The following ZCCHC7 variants were observed in gnomAD, a reference collection of about 807,000 sequenced individuals.
ZCCHC7 encodes the protein zinc finger CCHC-type containing 7.
ZCCHC7 carries 35 observed loss-of-function variants against 52.0 expected under a neutral mutation model. The observed-to-expected ratio is 0.67, with a 90% confidence interval of 0.51 to 0.89. The LOEUF is 0.89. ZCCHC7 is among the 40% of genes least tolerant of loss of function. The probability of loss-of-function intolerance (pLI) is 0.00; values close to 1 mark genes in which losing one functional copy is unlikely to be tolerated. For synonymous variants in ZCCHC7, 217 were observed against 221.5 expected, an observed-to-expected ratio of 0.98 and a Z score of 0.18; for missense variants, 574 against 649.1, an observed-to-expected ratio of 0.88 and a Z score of 1.26.
chr9:37,266,846 C>G (rs899078489), intron 2 of ZCCHC7, among the ~76,000 whole-genome samples: 13 of 152,254 alleles, frequency 8.5e-5, no homozygotes, highest in Non-Finnish European at 1.5e-4. Context: ...TGCACTCCAG[C>G]CTGGGCAATG....
chr9:37,346,405 G>A (rs1820976293), intron 6 of ZCCHC7, among the ~76,000 whole-genome samples: 2 of 152,160 alleles, frequency 1.3e-5, no homozygotes, highest in Admixed American at 1.3e-4. Flanking sequence ...TAGGGGGCCT[G>A]GGCACGTTGG....
At chr9:37,130,333 C>CTT (rs1564131111) in intron 2 of ZCCHC7, among the ~76,000 whole-genome samples, 6 of 112,906 alleles carry the variant, frequency 5.3e-5, no homozygotes, top group Admixed American at 1.1e-4. Context: ...GGAATTCTCT[C>CTT]CTTTTTTTTT....
intron 5 of ZCCHC7, among the ~76,000 whole-genome samples, chr9:37,321,949 C>T (rs1417561183): frequency 6.6e-6 from 1 of 152,094 alleles, no homozygotes; most frequent in East Asian, 1.9e-4. Context: ...TTTCATTATT[C>T]CAATACCAAA....
chr9:37,356,773 AGGAAAGC>A, intron 8 of ZCCHC7, 55 bp from the exon 9 acceptor site: 2 of 1,444,664 alleles, frequency 1.4e-6, no homozygotes, highest in Non-Finnish European at 1.9e-6. Context: ...ATTTACACTT[AGGAAAGC>A]TCAGCATGGA....
chr9:37,180,452 G>C (rs1822287628), intron 2 of ZCCHC7, among the ~76,000 whole-genome samples: 1 of 152,028 alleles, frequency 6.6e-6, no homozygotes. Flanking sequence ...GGTTTTAAAA[G>C]TATATTTAGT....
At chr9:37,168,471 A>T (rs1265507456) in intron 2 of ZCCHC7, among the ~76,000 whole-genome samples, 2 of 152,256 alleles carry the variant, frequency 1.3e-5, no homozygotes, top group African/African-American at 4.8e-5. Context: ...AAAAGGTTAT[A>T]AAAACAAAAC....
intron 2 of ZCCHC7, among the ~76,000 whole-genome samples, chr9:37,218,037 T>C (rs1300728181): frequency 2.0e-5 from 3 of 152,206 alleles, no homozygotes; most frequent in African/African-American, 7.2e-5. Flanking sequence ...TGCTGGACTC[T>C]GATATTAAAA....
chr9:37,357,545 C>A lies in ZCCHC7; in HGVS notation c.*277C>A. The A allele has an allele frequency of 4.2e-6, 1 of 236,234 alleles. No homozygotes were observed. Among genetic ancestry groups the A allele is most frequent in the Non-Finnish European group, 8.1e-6 (1 of 124,222 alleles). The allele number at this position is 236,234 out of a possible 1,614,324, so 14.6% of individuals were successfully genotyped here. ...AATCCTAGGGATAGGTAGAAGAATT[C>A]ATCTTTTCAAGAAAGTGTTTTAAAA... On this transcript the variant is annotated 3_prime_UTR_variant, in exon 9 of 9. Coordinates refer to ENST00000336755, the MANE Select transcript of ZCCHC7 (RefSeq NM_032226.3).
intron 2 of ZCCHC7, among the ~76,000 whole-genome samples, chr9:37,279,918 G>C (rs895972229): frequency 6.6e-6 from 1 of 151,996 alleles, no homozygotes; most frequent in Non-Finnish European, 1.5e-5. Context: ...ACTTTGGGAG[G>C]CCGAGGCGGG....
intron 2 of ZCCHC7, among the ~76,000 whole-genome samples, chr9:37,293,382 A>G (rs940460375): frequency 6.6e-6 from 1 of 152,320 alleles, no homozygotes; most frequent in East Asian, 1.9e-4. Flanking sequence ...GGATAACTGA[A>G]AGAATGTAGC....
At chr9:37,319,449 A>G (rs1004770764) in intron 5 of ZCCHC7, among the ~76,000 whole-genome samples, 6 of 152,018 alleles carry the variant, frequency 3.9e-5, no homozygotes, top group African/African-American at 1.5e-4. Flanking sequence ...GTTTTTTGAG[A>G]CAGGGTCTTA....
At chr9:37,217,037 C>A (rs2133240878) in intron 2 of ZCCHC7, among the ~76,000 whole-genome samples, 1 of 152,024 alleles carries the variant, frequency 6.6e-6, no homozygotes, top group Middle Eastern at 3.4e-3. Flanking sequence ...AATAATATTC[C>A]TACAAGGCTC....
At chr9:37,125,108 C>T (rs1842487670) in intron 1 of ZCCHC7, among the ~76,000 whole-genome samples, 1 of 152,248 alleles carries the variant, frequency 6.6e-6, no homozygotes, top group South Asian at 2.1e-4. Flanking sequence ...GCCTTGGCCT[C>T]CCAAAGTCCT....
At chr9:37,282,174 C>T (rs144077839) in intron 2 of ZCCHC7, among the ~76,000 whole-genome samples, 1 of 152,168 alleles carries the variant, frequency 6.6e-6, no homozygotes, top group Admixed American at 6.5e-5. Flanking sequence ...TTAATAGTTT[C>T]AGTTTTGCCA....
intron 2 of ZCCHC7, among the ~76,000 whole-genome samples, chr9:37,219,198 G>A (rs1217973939): frequency 1.3e-5 from 2 of 152,178 alleles, no homozygotes; most frequent in African/African-American, 4.8e-5. Flanking sequence ...TCAAACTCTG[G>A]CCCACAGGCC....
chr9:37,272,890 C>T (rs1035896558), intron 2 of ZCCHC7, among the ~76,000 whole-genome samples: 10 of 152,134 alleles, frequency 6.6e-5, no homozygotes, highest in Non-Finnish European at 1.3e-4. Flanking sequence ...TGTATGATTG[C>T]ACCACCAATG....
intron 2 of ZCCHC7, among the ~76,000 whole-genome samples, chr9:37,263,764 T>G (rs534056951): frequency 1.1e-3 from 166 of 152,346 alleles, no homozygotes; most frequent in African/African-American, 3.9e-3. Context: ...GAATTTCTTT[T>G]CCTTTTTCAA....
intron 5 of ZCCHC7, among the ~76,000 whole-genome samples, chr9:37,323,630 T>C (rs1830134185): frequency 1.3e-5 from 2 of 152,174 alleles, no homozygotes; most frequent in South Asian, 2.1e-4. Flanking sequence ...AGAATAGAAG[T>C]ATAATAAGCA....
At chr9:37,331,321 C>A (rs911587913) in intron 6 of ZCCHC7, among the ~76,000 whole-genome samples, 1 of 151,526 alleles carries the variant, frequency 6.6e-6, no homozygotes, top group Non-Finnish European at 1.5e-5. Context: ...ATCTTATAAA[C>A]CATAAGTAAC....
Sources: gnomAD v4.1 joint callset for allele counts (sites outside exome capture counted in the v4.1 genomes callset) on GRCh38, gnomAD v4.1.1 for gene constraint, MANE v1.5 for transcripts, NCBI Gene and HGNC (gene_info 2026-07-23, HGNC 2026-07-21) for gene names.